The following GALNT10 variants were observed in gnomAD, a reference collection of about 807,000 sequenced individuals.
The protein encoded by GALNT10 is polypeptide N-acetylgalactosaminyltransferase 10.
A neutral mutation model predicts 75.0 loss-of-function variants in GALNT10; 41 were observed. The observed-to-expected ratio is 0.55, with a 90% CI of 0.43 to 0.71. GALNT10 has a LOEUF of 0.71. Ranked by LOEUF, GALNT10 falls within the 30% of genes least tolerant of loss-of-function variation. The pLI is 0.00. For synonymous variants in GALNT10, 302 were observed against 313.0 expected, an observed-to-expected ratio of 0.96 and a Z score of 0.37; for missense variants, 727 against 818.5, an observed-to-expected ratio of 0.89 and a Z score of 1.36.
chr5:154,374,707 A>G (rs1755628726), intron 4 of GALNT10, among the ~76,000 whole-genome samples: 1 of 152,240 alleles, frequency 6.6e-6, no homozygotes, highest in African/African-American at 2.4e-5. Flanking sequence ...ATTAAAAGTA[A>G]CACTGGATAA....
At chr5:154,403,568 A>G (rs1461447534) in intron 7 of GALNT10, among the ~76,000 whole-genome samples, 1 of 152,176 alleles carries the variant, frequency 6.6e-6, no homozygotes, top group Non-Finnish European at 1.5e-5. Context: ...TAAATATGTG[A>G]CAGTAAATCT....
chr5:154,222,688 C>T (rs1031234982), intron 1 of GALNT10, among the ~76,000 whole-genome samples: 12 of 152,146 alleles, frequency 7.9e-5, no homozygotes, highest in African/African-American at 2.9e-4. Context: ...CTTAATGTCT[C>T]ACATGAAATT....
chr5:154,385,562 C>A (rs1245246721), intron 6 of GALNT10, among the ~76,000 whole-genome samples: 1 of 152,164 alleles, frequency 6.6e-6, no homozygotes, highest in East Asian at 1.9e-4. Context: ...GCTGTCTCTA[C>A]CTCCCGGAGT....
chr5:154,353,957 G>A (rs997059488), intron 4 of GALNT10, among the ~76,000 whole-genome samples: 2 of 152,030 alleles, frequency 1.3e-5, no homozygotes, highest in African/African-American at 2.4e-5. Context: ...CCCAGTACTC[G>A]CCACAATGCC....
intron 3 of GALNT10, among the ~76,000 whole-genome samples, chr5:154,300,344 C>T (rs1300240712): frequency 2.0e-5 from 3 of 152,114 alleles, no homozygotes; most frequent in Non-Finnish European, 2.9e-5. Context: ...GTTCTCTCAC[C>T]GCAGCTGCGG....
rs370485575 is a variant in GALNT10 at position 154,376,294 on chromosome 5, C to T, written c.586C>T (p.Leu196Phe). Reference sequence around the variant, plus strand: ...TCTCATAGAGCACCTGAAGAAGCCTCTTGAAGACTACATGGCCCTTTTCCC... The same window carrying T: ...TCTCATAGAGCACCTGAAGAAGCCTTTTGAAGACTACATGGCCCTTTTCCC... ...FSDREHLKKP[L>F]EDYMALFPSV... Residue 196 changes from leucine to phenylalanine, a missense_variant, in exon 5 of 12, where the codon CTT becomes TTT. By Grantham distance (22) the Leu-to-Phe change is conservative. Coordinates refer to ENST00000297107, the MANE Select transcript of GALNT10 (RefSeq NM_198321.4). This position sits in a 1 kb window ranked among gnomAD's most constrained non-coding sequence, Gnocchi z 4.1. 1 of 1,611,820 alleles carries T rather than the reference C, an allele frequency of 6.2e-7. No homozygotes were observed. The highest frequency in any genetic ancestry group is 1.3e-5 in the African/African-American group (1 of 74,868).
chr5:154,354,801 G>A (rs1366030237), intron 4 of GALNT10, among the ~76,000 whole-genome samples: 1 of 152,128 alleles, frequency 6.6e-6, no homozygotes, highest in African/African-American at 2.4e-5. Context: ...TTACTGGGTG[G>A]GAGAAAAAGA....
intron 1 of GALNT10, among the ~76,000 whole-genome samples, chr5:154,235,849 A>G (rs531591138): frequency 9.8e-5 from 15 of 152,310 alleles, no homozygotes; most frequent in African/African-American, 3.4e-4. Context: ...GCAAGAAGTC[A>G]TATTGCCCTC....
At chr5:154,346,630 C>T (rs566793300) in intron 4 of GALNT10, among the ~76,000 whole-genome samples, 6 of 152,310 alleles carry the variant, frequency 3.9e-5, no homozygotes, top group African/African-American at 1.4e-4. Flanking sequence ...CAGGAGCCGC[C>T]TTGGCAGTAC....
chr5:154,385,677 C>T (rs1287904048), intron 6 of GALNT10, among the ~76,000 whole-genome samples: 1 of 152,208 alleles, frequency 6.6e-6, no homozygotes, highest in African/African-American at 2.4e-5. Context: ...TCACAACTGG[C>T]ATGGGATGAA....
intron 4 of GALNT10, among the ~76,000 whole-genome samples, chr5:154,358,936 C>T (rs911982065): frequency 1.3e-5 from 2 of 152,178 alleles, no homozygotes; most frequent in Non-Finnish European, 2.9e-5. Flanking sequence ...ATTGAATATG[C>T]CTTCGTCAGA....
chr5:154,246,114 C>T (rs1216165044), intron 1 of GALNT10, among the ~76,000 whole-genome samples: 1 of 149,894 alleles, frequency 6.7e-6, no homozygotes, highest in Non-Finnish European at 1.5e-5. Flanking sequence ...CAGTTTCATC[C>T]GTGTCCCTAC....
intron 4 of GALNT10, among the ~76,000 whole-genome samples, chr5:154,348,221 C>T (rs1755157271): frequency 6.6e-6 from 1 of 152,230 alleles, no homozygotes; most frequent in Non-Finnish European, 1.5e-5. Flanking sequence ...ATTTGTTTCT[C>T]TTCTGTCATT....
chr5:154,200,121 G>A (rs1775003590), intron 1 of GALNT10, among the ~76,000 whole-genome samples: 1 of 152,160 alleles, frequency 6.6e-6, no homozygotes, highest in Admixed American at 6.5e-5. Flanking sequence ...ACTTGCGGAG[G>A]CCTCAGTGGG....
intron 8 of GALNT10, chr5:154,405,956 TC>T (rs1756271981): frequency 6.6e-6 from 1 of 151,620 alleles, no homozygotes; most frequent in Non-Finnish European, 1.5e-5. Flanking sequence ...ATAGATTAAT[TC>T]AGTGGATAAG....
Position 154,294,915 on chromosome 5 carries a change from G to C in GALNT10, c.259G>C (p.Val87Leu). ...KEAIRRDAQR[V>L]GNGEQGRPYP... ...GGCCATCCGGAGGGACGCTCAGCGCGTAGGTACGGAGGGCAGGATTGGCCA... is the reference window on the plus strand; with the variant it reads ...GGCCATCCGGAGGGACGCTCAGCGCCTAGGTACGGAGGGCAGGATTGGCCA... Residue 87 changes from valine (V) to leucine (L), a missense_variant, in exon 2 of 12, where the codon GTA (valine) becomes CTA (leucine). By Grantham distance (32) the Val-to-Leu change is conservative. Coordinates refer to ENST00000297107, the MANE Select transcript of GALNT10 (RefSeq NM_198321.4). The C allele has an allele frequency of 6.6e-7, 1 of 1,513,440 alleles. No individual in the cohort carries two copies. Among genetic ancestry groups the C allele is most frequent in the Non-Finnish European group, 9.2e-7 (1 of 1,088,024 alleles). The allele number at this position is 1,513,440 out of a possible 1,614,324, so 93.8% of individuals were successfully genotyped here.
chr5:154,390,566 T>C (rs927999465), intron 7 of GALNT10, among the ~76,000 whole-genome samples: 1 of 152,216 alleles, frequency 6.6e-6, no homozygotes, highest in Non-Finnish European at 1.5e-5. Context: ...AAACTAACTT[T>C]AATTCTTTAA....
intron 6 of GALNT10, among the ~76,000 whole-genome samples, chr5:154,382,861 G>A (rs935135564): frequency 6.6e-6 from 1 of 152,192 alleles, no homozygotes; most frequent in Non-Finnish European, 1.5e-5. Flanking sequence ...CAGCTGGCTA[G>A]TAGCAAAGGC....
chr5:154,306,721 G>T (rs1194120232), intron 3 of GALNT10, among the ~76,000 whole-genome samples: 3 of 151,506 alleles, frequency 2.0e-5, no homozygotes, highest in Non-Finnish European at 4.4e-5. Flanking sequence ...CCAAAAGCTG[G>T]TCAAAAAACA....
Sources: allele counts gnomAD v4.1 joint callset (sites outside exome capture counted in the v4.1 genomes callset), GRCh38; gene constraint gnomAD v4.1.1; non-coding constraint Gnocchi (gnomAD v3.1); transcripts MANE v1.5; gene names NCBI Gene and HGNC (gene_info 2026-07-23, HGNC 2026-07-21).